The following ATOX1 variants were observed in gnomAD, a reference collection of about 807,000 sequenced individuals.
ATOX1 encodes the protein copper transport protein ATOX1.
In ATOX1, 4 loss-of-function variants were observed where a neutral mutation model predicts 7.3. That is an observed-to-expected ratio of 0.55 (90% confidence interval 0.27 to 1.25). The LOEUF (loss-of-function observed/expected upper bound fraction) is 1.25. ATOX1 is among the 50% of genes most tolerant of loss of function. The pLI is 0.12. For missense variants in ATOX1, 68 were observed against 81.6 expected, an observed-to-expected ratio of 0.83 and a Z score of 0.64; for synonymous variants, 25 against 28.7, an observed-to-expected ratio of 0.87 and a Z score of 0.41.
At chr5:151,747,441 A>G (rs1413272061) in intron 2 of ATOX1, among the ~76,000 whole-genome samples, 2 of 151,664 alleles carry the variant, frequency 1.3e-5, no homozygotes, top group African/African-American at 2.4e-5. Flanking sequence ...ACATGCCACT[A>G]TGCCTGGTTA....
chr5:151,747,552 T>TG (rs1761893713), intron 2 of ATOX1, among the ~76,000 whole-genome samples: 1 of 151,538 alleles, frequency 6.6e-6, no homozygotes, highest in African/African-American at 2.4e-5. Flanking sequence ...CCCAAAGTGC[T>TG]GGGACTACAG....
Position 151,758,577 on chromosome 5 carries a change from C to G in ATOX1, c.-26G>C. 7.1e-7 allele frequency: 1 copy of G among 1,417,070 alleles called. No individual in the cohort carries two copies. The highest frequency in any genetic ancestry group is 1.9e-4 in the Middle Eastern group (1 of 5,240). 87.8% of individuals were successfully genotyped at this position (1,417,070 alleles called of 1,614,324 possible). On this transcript the variant is annotated 5_prime_UTR_variant, in exon 1 of 4. Transcript: ENST00000313115. ...GACTGAGGCAGCGGCGGTGTGGCGG[C>G]GGTGTGGCGGCGGTGTCAGCAGCGC...
intron 1 of ATOX1, among the ~76,000 whole-genome samples, chr5:151,754,980 CAAAAAAAAAAAA>C (rs79359321): frequency 2.9e-4 from 14 of 48,882 alleles, no homozygotes; most frequent in African/African-American, 1.0e-3. Flanking sequence ...AGACACCGTC[CAAAAAAAAAAAA>C]AAAAAAAAAG....
intron 2 of ATOX1, among the ~76,000 whole-genome samples, chr5:151,747,014 A>G (rs1025936570): frequency 2.7e-5 from 4 of 150,806 alleles, no homozygotes; most frequent in Non-Finnish European, 5.9e-5. Flanking sequence ...GAGTATAGGC[A>G]TGAGCCACCG....
At chr5:151,756,445 T>G (rs779506200) in intron 1 of ATOX1, among the ~76,000 whole-genome samples, 7 of 151,174 alleles carry the variant, frequency 4.6e-5, no homozygotes, top group Non-Finnish European at 1.0e-4. Flanking sequence ...CTTTCTTTCT[T>G]TTCTTTCTCT....
chr5:151,758,353 G>A (rs1438205011), intron 1 of ATOX1, among the ~76,000 whole-genome samples, 193 bp downstream of exon 1: 3 of 152,372 alleles, frequency 2.0e-5, no homozygotes, highest in East Asian at 3.9e-4. Flanking sequence ...CTGGCTCCCA[G>A]ATTAAACTCC....
chr5:151,751,313 A>G lies in ATOX1; in HGVS notation c.82+391T>C, dbSNP rs1761945819. Reference sequence around the variant, plus strand: ...AAAATGACACTCAGATGTGTCATGCAGTACACACTGGAGATGACCAACATA... The same window carrying G: ...AAAATGACACTCAGATGTGTCATGCGGTACACACTGGAGATGACCAACATA... On this transcript the variant is annotated intron_variant, in intron 2 of 3. Transcript: ENST00000313115. Among the ~76,000 whole-genome samples, 4 of 151,720 alleles carry G rather than the reference A, an allele frequency of 2.6e-5. No individual in the cohort carries two copies. In the South Asian group the frequency reaches 6.3e-4, roughly 24 times the overall value.
intron 1 of ATOX1, among the ~76,000 whole-genome samples, chr5:151,757,055 T>A (rs946238342): frequency 2.0e-5 from 3 of 152,100 alleles, no homozygotes; most frequent in African/African-American, 7.2e-5. Flanking sequence ...CGGGCATTTG[T>A]CTGAGAAAAC....
chr5:151,746,498 C>CA lies in ATOX1; in HGVS notation c.83-50dup, dbSNP rs758763650. The CA allele has an allele frequency of 5.6e-6, 9 of 1,608,270 alleles. No individual in the cohort carries two copies. The East Asian group carries it at 2.0e-4, about 36-fold the overall frequency. On this transcript the variant is annotated intron_variant, in intron 2 of 3. Transcript: ENST00000313115. ...TGGGGAGAGGAAGCACAGACCCTCCCAGTTACAGCAAGAAAGAGTTCAGGC... is the reference window on the plus strand; with the variant it reads ...TGGGGAGAGGAAGCACAGACCCTCCCAAGTTACAGCAAGAAAGAGTTCAGGC...
chr5:151,751,607 T>A lies in ATOX1; in HGVS notation c.82+97A>T, dbSNP rs1408466053. On this transcript the variant is annotated intron_variant, in intron 2 of 3. Coordinates refer to ENST00000313115, the MANE Select transcript of ATOX1 (RefSeq NM_004045.4). Reference sequence around the variant, plus strand: ...GCTAAGTACTCAATATATTTTAGTTTTACTGTTATGATCAGCTTAACCCTA... The same window carrying A: ...GCTAAGTACTCAATATATTTTAGTTATACTGTTATGATCAGCTTAACCCTA... 1.9e-5 allele frequency: 24 copies of A among 1,292,570 alleles called. No homozygotes were observed. The Admixed American group carries it at 5.5e-4, about 30-fold the overall frequency. 80.1% of individuals were successfully genotyped at this position (1,292,570 alleles called of 1,614,324 possible). A position where few individuals can be genotyped will look rare whatever the true frequency, so the allele number is the denominator to read the frequency against.
At chr5:151,747,786 G>A (rs939939671) in intron 2 of ATOX1, among the ~76,000 whole-genome samples, 4 of 152,012 alleles carry the variant, frequency 2.6e-5, no homozygotes, top group Non-Finnish European at 5.9e-5. Flanking sequence ...ATGGGGTTTC[G>A]CCATGTTGGC....
At chr5:151,753,141 C>T (rs773109134) in intron 1 of ATOX1, among the ~76,000 whole-genome samples, 5 of 152,132 alleles carry the variant, frequency 3.3e-5, no homozygotes, top group African/African-American at 9.7e-5. Flanking sequence ...ATTGAACCCT[C>T]GAGCTAACAA....
At position 151,751,766 on chromosome 5, in the gene ATOX1, G is replaced by A; in HGVS notation, c.20C>T (p.Ser7Phe). ...ACAGCCTCCACAGGTCATGTCCACAGAGAACTCGTGCTTCTGAAACAAACA... is the reference window on the plus strand; with the variant it reads ...ACAGCCTCCACAGGTCATGTCCACAAAGAACTCGTGCTTCTGAAACAAACA... MPKHEF[S>F]VDMTCGGCAE... The change falls in exon 2 of 4, where the codon TCT becomes TTT. Residue 7 changes from serine (S) to phenylalanine (F), a missense_variant. By Grantham distance (155) the Ser-to-Phe change is radical. Transcript: ENST00000313115. The A allele has an allele frequency of 6.2e-7, 1 of 1,607,856 alleles. No individual in the cohort carries two copies.
intron 1 of ATOX1, among the ~76,000 whole-genome samples, chr5:151,756,622 G>C (rs1366946202): frequency 1.3e-5 from 2 of 152,032 alleles, no homozygotes; most frequent in Non-Finnish European, 2.9e-5. Flanking sequence ...ATAGGCACGG[G>C]CCACCACGTC....
intron 1 of ATOX1, among the ~76,000 whole-genome samples, chr5:151,756,169 C>T (rs1473722349): frequency 6.6e-6 from 1 of 151,998 alleles, no homozygotes; most frequent in African/African-American, 2.4e-5. Flanking sequence ...GTCTCAAAGT[C>T]CTGACTTTGT....
Position 151,758,531 on chromosome 5 carries a change from G to A in ATOX1, c.6+15C>T. On this transcript the variant is annotated intron_variant, in intron 1 of 3. Coordinates refer to ENST00000313115, the MANE Select transcript of ATOX1 (RefSeq NM_004045.4). ...GACTGCAAGTCTGCGTGGCGGGGAC[G>A]GCGCAACCACTCACCGGCATGACTG... 3 of 1,470,368 alleles carry A rather than the reference G, an allele frequency of 2.0e-6. No homozygotes were observed. Among genetic ancestry groups the A allele is most frequent in the Non-Finnish European group, 2.7e-6 (3 of 1,107,610 alleles). The allele number at this position is 1,470,368 out of a possible 1,614,324, so 91.1% of individuals were successfully genotyped here.
At chr5:151,755,130 TA>T (rs905226800) in intron 1 of ATOX1, among the ~76,000 whole-genome samples, 34 of 149,292 alleles carry the variant, frequency 2.3e-4, no homozygotes, top group African/African-American at 4.7e-4. Flanking sequence ...CGGTGCCGTG[TA>T]AAAAAAAAAG....
At chr5:151,746,614 T>C in intron 2 of ATOX1, 165 bp from the exon 3 acceptor site, 1 of 820,006 alleles carries the variant, frequency 1.2e-6, no homozygotes, top group Middle Eastern at 2.8e-4. Flanking sequence ...GCAAATGTTT[T>C]AGGCATTGTG....
chr5:151,757,646 G>T (rs1008193273), intron 1 of ATOX1, among the ~76,000 whole-genome samples: 9 of 152,148 alleles, frequency 5.9e-5, no homozygotes, highest in African/African-American at 2.2e-4. Context: ...AACACCACAT[G>T]ACCCTAACCA....
Sources: allele counts gnomAD v4.1 joint callset (sites outside exome capture counted in the v4.1 genomes callset), GRCh38; gene constraint gnomAD v4.1.1; transcripts MANE v1.5; gene names NCBI Gene and HGNC (gene_info 2026-07-23, HGNC 2026-07-21).